SLC16A12: variants seen among roughly 807,000 people sequenced by gnomAD.
The protein encoded by SLC16A12 is monocarboxylate transporter 12.
A neutral mutation model predicts 42.4 loss-of-function variants in SLC16A12; 17 were observed. The observed-to-expected ratio is 0.40, with a 90% CI of 0.27 to 0.60. The LOEUF is 0.60. Ranked by LOEUF, SLC16A12 falls within the 20% of genes least tolerant of loss-of-function variation. SLC16A12 has a pLI of 0.42. For synonymous variants in SLC16A12, 224 were observed against 229.4 expected (o/e 0.98, Z 0.21); for missense variants, 544 against 623.0 (o/e 0.87, Z 1.35).
chr10:89,438,609 G>C lies in SLC16A12; in HGVS notation c.1023C>G (p.Asp341Glu). The change falls in exon 6 of 8, where the codon GAC becomes GAG. Residue 341 changes from aspartate (D) to glutamate (E), a missense_variant. Asp to Glu is a conservative substitution (Grantham distance 45). Transcript: ENST00000371790. ...TGTGGTTTCATGAATTTTACCTTCT[G>C]TCGGTCAGCCATCCAAATGTGATAT... Reference protein sequence around the residue: ...IGNITFGWLTDRRCLKNYQYV... With the variant: ...IGNITFGWLTERRCLKNYQYV... 1 of 1,613,570 alleles carries C rather than the reference G, an allele frequency of 6.2e-7. No individual in the cohort carries two copies. Among genetic ancestry groups the C allele is most frequent in the Middle Eastern group, 1.7e-4 (1 of 6,044 alleles).
chr10:89,444,007 A>T, intron 3 of SLC16A12, 148 bp from the exon 4 acceptor site: 1 of 673,854 alleles, frequency 1.5e-6, no homozygotes, highest in East Asian at 2.7e-5. Context: ...GAAGCTGACC[A>T]TTTGGGCCAT....
At chr10:89,543,763 A>G (rs1843728692) in intron 2 of SLC16A12, among the ~76,000 whole-genome samples, 1 of 152,184 alleles carries the variant, frequency 6.6e-6, no homozygotes, top group African/African-American at 2.4e-5. Flanking sequence ...TGAGCCCAGA[A>G]GGTCAAGGCT....
chr10:89,448,128 A>T (rs1303292782), intron 3 of SLC16A12, among the ~76,000 whole-genome samples: 1 of 152,194 alleles, frequency 6.6e-6, no homozygotes, highest in African/African-American at 2.4e-5. Flanking sequence ...TAGCCTACCA[A>T]CCAAAAAAAG....
chr10:89,527,841 A>T (rs1843481050), intron 2 of SLC16A12, among the ~76,000 whole-genome samples: 1 of 151,506 alleles, frequency 6.6e-6, no homozygotes, highest in African/African-American at 2.4e-5. Context: ...GAAAAGAAAA[A>T]AAGAGGTGAA....
chr10:89,445,226 G>A (rs746758102), intron 3 of SLC16A12, among the ~76,000 whole-genome samples: 70 of 152,362 alleles, frequency 4.6e-4, no homozygotes, highest in Non-Finnish European at 8.1e-4. Context: ...GAAGAGAGCA[G>A]TGGTTCTTCC....
At chr10:89,450,130 G>A (rs1842070320) in intron 3 of SLC16A12, among the ~76,000 whole-genome samples, 1 of 152,176 alleles carries the variant, frequency 6.6e-6, no homozygotes, top group Non-Finnish European at 1.5e-5. Context: ...GAGAGGATGT[G>A]GAGAAATAGG....
chr10:89,493,786 A>G (rs150028953), intron 2 of SLC16A12, among the ~76,000 whole-genome samples: 234 of 152,316 alleles, frequency 1.5e-3, no homozygotes, highest in Middle Eastern at 3.4e-3. Context: ...AAGTACCTAA[A>G]TAAACAAATG....
At chr10:89,457,540 T>C (rs1412608239) in intron 3 of SLC16A12, among the ~76,000 whole-genome samples, 4 of 152,206 alleles carry the variant, frequency 2.6e-5, no homozygotes, top group Admixed American at 2.6e-4. Context: ...GGAATATAGA[T>C]TAGTTCAACC....
In SLC16A12 at chr10:89,438,862, G is replaced by A. The variant is rs901652525; in HGVS notation, c.770C>T (p.Ser257Phe). The change falls in exon 6 of 8, where the codon TCT becomes TTT. Residue 257 changes from serine to phenylalanine, a missense_variant. Coordinates refer to ENST00000371790, the MANE Select transcript of SLC16A12 (RefSeq NM_213606.4). The stretch of plus-strand genomic sequence containing the variant: ...AGTCTGTGCCCATTCTTTGGTCAAA[G>A]ATGAATAGGGAGACACCCGCTTAAT... ...EDIKRVSPYS[S>F]LTKEWAQTCL... 1 of 1,614,178 alleles carries A rather than the reference G, an allele frequency of 6.2e-7. No homozygotes were observed. Among genetic ancestry groups the A allele is most frequent in the African/African-American group, 1.3e-5 (1 of 75,060 alleles).
At chr10:89,472,735 C>T (rs1205116269) in intron 2 of SLC16A12, among the ~76,000 whole-genome samples, 1 of 151,924 alleles carries the variant, frequency 6.6e-6, no homozygotes, top group Admixed American at 6.6e-5. Context: ...TCAAGGGATC[C>T]ACCTGCCTTG....
intron 2 of SLC16A12, among the ~76,000 whole-genome samples, chr10:89,511,935 A>G (rs935386183): frequency 6.6e-6 from 1 of 152,208 alleles, no homozygotes; most frequent in African/African-American, 2.4e-5. Context: ...AGATGAATGG[A>G]TAGGCAAAAT....
At chr10:89,528,154 T>A (rs973444872) in intron 2 of SLC16A12, among the ~76,000 whole-genome samples, 4 of 152,064 alleles carry the variant, frequency 2.6e-5, no homozygotes, top group African/African-American at 9.7e-5. Flanking sequence ...TGGGCCCTGA[T>A]AAGGCCACTG....
At chr10:89,486,172 G>T (rs982256198) in intron 2 of SLC16A12, among the ~76,000 whole-genome samples, 13 of 152,096 alleles carry the variant, frequency 8.5e-5, no homozygotes, top group African/African-American at 3.1e-4. Context: ...GATGACCCGT[G>T]TCTTGCAGGG....
chr10:89,443,605 A>G (rs1841951639), intron 4 of SLC16A12, 151 bp downstream of exon 4: 6 of 679,040 alleles, frequency 8.8e-6, no homozygotes, highest in Admixed American at 6.8e-5. Context: ...TGAAGATAGG[A>G]TTGATCTTTT....
intron 2 of SLC16A12, among the ~76,000 whole-genome samples, chr10:89,487,566 C>T (rs890955616): frequency 6.6e-6 from 1 of 150,998 alleles, no homozygotes; most frequent in Non-Finnish European, 1.5e-5. Flanking sequence ...TTTGGAAGTC[C>T]GAGGCTGGTG....
At chr10:89,485,520 C>T (rs1382990646) in intron 2 of SLC16A12, among the ~76,000 whole-genome samples, 1 of 152,170 alleles carries the variant, frequency 6.6e-6, no homozygotes. Context: ...CACAAAAGTT[C>T]TCCATTTCCT....
chr10:89,523,108 C>A (rs907373813), intron 2 of SLC16A12, among the ~76,000 whole-genome samples: 1 of 152,100 alleles, frequency 6.6e-6, no homozygotes, highest in Admixed American at 6.5e-5. Context: ...TATTTTGAAC[C>A]TAGACCTTTT....
At chr10:89,550,742 G>T (rs566945868) in intron 2 of SLC16A12, among the ~76,000 whole-genome samples, 28 of 151,916 alleles carry the variant, frequency 1.8e-4, no homozygotes, top group African/African-American at 6.3e-4. Context: ...CACCAAGCCA[G>T]GGATGCAGAA....
At chr10:89,448,634 AC>A (rs1248535104) in intron 3 of SLC16A12, among the ~76,000 whole-genome samples, 1 of 152,184 alleles carries the variant, frequency 6.6e-6, no homozygotes, top group Non-Finnish European at 1.5e-5. Flanking sequence ...TTTATGATAA[AC>A]CCACAGCCAA....
Sources: allele counts gnomAD v4.1 joint callset (sites outside exome capture counted in the v4.1 genomes callset), GRCh38; gene constraint gnomAD v4.1.1; transcripts MANE v1.5; gene names NCBI Gene and HGNC (gene_info 2026-07-23, HGNC 2026-07-21).